Variants in SENP7 observed in about 807,000 individuals in gnomAD.
SENP7 encodes sentrin-specific protease 7.
Under a neutral mutation model 141.2 loss-of-function variants are expected in SENP7, and 64 were observed. The ratio of observed to expected loss-of-function variants is 0.45; its 90% CI spans 0.37 to 0.56. The LOEUF is 0.56. Among genes scored for constraint, SENP7 ranks in the 20% least tolerant of loss-of-function variants. The pLI, the probability that SENP7 is intolerant of heterozygous loss-of-function variation, is 0.00. For synonymous variants in SENP7, 382 were observed against 426.4 expected (o/e 0.90, Z 1.28); for missense variants, 1,025 against 1,212.2 (o/e 0.85, Z 2.29).
chr3:101,399,478 G>C (rs2061069124), intron 5 of SENP7, among the ~76,000 whole-genome samples: 1 of 152,084 alleles, frequency 6.6e-6, no homozygotes. Flanking sequence ...CTTGCAATTG[G>C]GAAATGACAA....
intron 4 of SENP7, among the ~76,000 whole-genome samples, chr3:101,427,909 A>G (rs1481512500): frequency 6.6e-6 from 1 of 151,840 alleles, no homozygotes; most frequent in Non-Finnish European, 1.5e-5. Flanking sequence ...ATGTGTTCTC[A>G]TTGTTCAACT....
chr3:101,338,152 CAAA>C (rs34227978), intron 16 of SENP7, among the ~76,000 whole-genome samples: 5 of 113,690 alleles, frequency 4.4e-5, no homozygotes, highest in Admixed American at 8.5e-5. Flanking sequence ...GACTCTGTCT[CAAA>C]AAAAAAAAAA....
chr3:101,430,470 T>C (rs2062122357), intron 4 of SENP7, among the ~76,000 whole-genome samples: 1 of 152,224 alleles, frequency 6.6e-6, no homozygotes, highest in East Asian at 1.9e-4. Flanking sequence ...CTAGTTTATT[T>C]GCATAGAAGT....
intron 3 of SENP7, among the ~76,000 whole-genome samples, chr3:101,467,323 G>C (rs1222372125): frequency 6.6e-6 from 1 of 152,240 alleles, no homozygotes; most frequent in Non-Finnish European, 1.5e-5. Flanking sequence ...GCTCTGAAGA[G>C]AGCAGTGGTT....
At chr3:101,432,249 T>C (rs774776104) in intron 4 of SENP7, among the ~76,000 whole-genome samples, 2 of 152,170 alleles carry the variant, frequency 1.3e-5, no homozygotes, top group Non-Finnish European at 2.9e-5. Flanking sequence ...ATCTTGTCAT[T>C]TGAGTGCCAG....
intron 6 of SENP7, among the ~76,000 whole-genome samples, chr3:101,385,755 A>G (rs967594888): frequency 7.9e-5 from 12 of 152,018 alleles, no homozygotes; most frequent in Admixed American, 7.9e-4. Flanking sequence ...AACTCTGTCT[A>G]CCAAGGATCA....
chr3:101,400,460 T>G (rs979040255), intron 5 of SENP7, among the ~76,000 whole-genome samples: 1 of 151,584 alleles, frequency 6.6e-6, no homozygotes, highest in African/African-American at 2.4e-5. Flanking sequence ...TCACTTTGTG[T>G]GTCTGTGTCA....
chr3:101,460,962 T>TA lies in SENP7; in HGVS notation c.187-1911_187-1910insT, dbSNP rs1448968791. On this transcript the variant is annotated intron_variant, in intron 3 of 23. Coordinates refer to ENST00000394095, the MANE Select transcript of SENP7 (RefSeq NM_020654.5). ...GAAAAAAAGGTATAGTATTCAAAATTTAAAAAAAAAAACTCTTACAATTCA... is the reference window on the plus strand; with the variant it reads ...GAAAAAAAGGTATAGTATTCAAAATTATAAAAAAAAAAACTCTTACAATTCA... 2.0e-5 allele frequency among the ~76,000 whole-genome samples: 3 copies of TA among 151,394 alleles called. No homozygotes were observed. The East Asian group carries it at 5.8e-4, about 29-fold the overall frequency.
At chr3:101,477,971 A>C (rs1029351444) in intron 3 of SENP7, among the ~76,000 whole-genome samples, 5 of 152,132 alleles carry the variant, frequency 3.3e-5, no homozygotes, top group African/African-American at 9.7e-5. Context: ...TTTTAAAGAT[A>C]ATCTTGATAA....
intron 7 of SENP7, among the ~76,000 whole-genome samples, chr3:101,370,729 T>A (rs1486385751): frequency 6.6e-6 from 1 of 152,176 alleles, no homozygotes; most frequent in East Asian, 1.9e-4. Flanking sequence ...AATAAATGTT[T>A]TTCATTATAC....
At chr3:101,455,887 TTAGAAG>T (rs941048121) in intron 4 of SENP7, among the ~76,000 whole-genome samples, 1 of 152,150 alleles carries the variant, frequency 6.6e-6, no homozygotes, top group Non-Finnish European at 1.5e-5. Flanking sequence ...CACCTACCTT[TTAGAAG>T]TAGAACATTC....
chr3:101,361,220 A>C (rs577455019), intron 11 of SENP7, among the ~76,000 whole-genome samples: 34 of 138,738 alleles, frequency 2.5e-4, no homozygotes, highest in Middle Eastern at 3.7e-3. Flanking sequence ...CCGCCCCCCC[A>C]AAAAAAAAAA....
intron 10 of SENP7, among the ~76,000 whole-genome samples, chr3:101,364,533 T>C (rs1290138840): frequency 2.0e-5 from 3 of 152,118 alleles, no homozygotes; most frequent in Non-Finnish European, 4.4e-5. Context: ...AGAAAATGTG[T>C]TTAATTCTAC....
At chr3:101,414,149 C>G (rs1447514473) in intron 5 of SENP7, 1 of 505,726 alleles carries the variant, frequency 2.0e-6, no homozygotes, top group Admixed American at 3.5e-5. Context: ...AGAACAGATC[C>G]TTTAAAAGAC....
chr3:101,506,779 A>G (rs529719172), intron 1 of SENP7, among the ~76,000 whole-genome samples: 72 of 152,364 alleles, frequency 4.7e-4, no homozygotes, highest in Admixed American at 3.4e-3. Flanking sequence ...TGGGCTGAGC[A>G]TGGTGGCTCA....
At position 101,434,786 on chromosome 3, in the gene SENP7, C is replaced by T. The variant is rs190362602; in HGVS notation, c.285-16996G>A. 8.5e-5 allele frequency among the ~76,000 whole-genome samples: 13 copies of T among 152,078 alleles called. No homozygotes were observed. In the South Asian group the frequency reaches 1.2e-3, roughly 15 times the overall value. On this transcript the variant is annotated intron_variant, in intron 4 of 23. Transcript: ENST00000394095. ...GATCAAAGCTGTAATTAAAAGTCTC[C>T]CAGTAAAGGAAAGCCCGGGACCCAA...
chr3:101,366,797 G>A, intron 8 of SENP7, 28 bp from the exon 9 acceptor site: 1 of 1,465,306 alleles, frequency 6.8e-7, no homozygotes, highest in South Asian at 1.4e-5. Flanking sequence ...GAAAAAAATA[G>A]CATTTTTCAA....
chr3:101,399,201 T>C (rs541779311), intron 5 of SENP7, 146 bp from the exon 6 acceptor site: 27 of 455,626 alleles, frequency 5.9e-5, no homozygotes, highest in African/African-American at 5.2e-4. Flanking sequence ...AACCCATAAA[T>C]ACTTAAAAAT....
intron 11 of SENP7, chr3:101,357,458 A>T: frequency 8.6e-7 from 1 of 1,166,968 alleles, no homozygotes; most frequent in African/African-American, 1.5e-5. Flanking sequence ...ACATAAGATG[A>T]TTGCCAGACC....
Sources: allele counts gnomAD v4.1 joint callset (sites outside exome capture counted in the v4.1 genomes callset), GRCh38; gene constraint gnomAD v4.1.1; transcripts MANE v1.5; gene names NCBI Gene and HGNC (gene_info 2026-07-23, HGNC 2026-07-21).